The following PDE4B variants were observed in gnomAD, a reference collection of about 807,000 sequenced individuals.
The protein encoded by PDE4B is phosphodiesterase 4B.
PDE4B carries 20 observed loss-of-function variants against 82.2 expected under a neutral mutation model. The ratio of observed to expected loss-of-function variants is 0.24; its 90% CI spans 0.17 to 0.35. The LOEUF (loss-of-function observed/expected upper bound fraction) is 0.35. PDE4B is among the 10% of genes least tolerant of loss of function. The pLI is 1.00. For synonymous variants in PDE4B, 320 were observed against 318.9 expected (o/e 1.00, Z -0.04); for missense variants, 655 against 907.2 (o/e 0.72, Z 3.57).
In PDE4B at chr1:66,247,503, G is replaced by T; in HGVS notation, c.325G>T (p.Asp109Tyr). The T allele has an allele frequency of 6.2e-7, 1 of 1,603,330 alleles. No individual in the cohort carries two copies. The highest frequency in any genetic ancestry group is 1.1e-5 in the South Asian group (1 of 89,446). ...NGPSPGRSPL[D>Y]PQASSSAGLV... Reference sequence around the variant, plus strand: ...CCCTTCCCCAGGTCGGAGTCCACTGGATCCCCAGGCCAGCTCTTCCGCTGG... The same window carrying T: ...CCCTTCCCCAGGTCGGAGTCCACTGTATCCCCAGGCCAGCTCTTCCGCTGG... The change falls in exon 4 of 17, where the codon GAT (aspartate) becomes TAT (tyrosine). Residue 109 changes from aspartate to tyrosine, a missense_variant. By Grantham distance (160) the Asp-to-Tyr change is radical. Transcript: ENST00000341517.
chr1:66,155,089 A>G lies in PDE4B; in HGVS notation c.282-92371A>G, dbSNP rs571625698. 3.3e-5 allele frequency among the ~76,000 whole-genome samples: 5 copies of G among 152,308 alleles called. No individual in the cohort carries two copies. The South Asian group carries it at 8.3e-4, about 25-fold the overall frequency. ...GTCTGCAGTGAGCTCTGATCCTGCC[A>G]CTGCACTCCTGCCTGGGAAACAGGA... On this transcript the variant is annotated intron_variant, in intron 3 of 16. Transcript: ENST00000341517.
chr1:66,124,949 C>T (rs886076298), intron 3 of PDE4B, among the ~76,000 whole-genome samples: 14 of 128,254 alleles, frequency 1.1e-4, no homozygotes, highest in Non-Finnish European at 1.7e-4. Flanking sequence ...GTGTGCCCTG[C>T]GATGGAATGG....
chr1:66,201,739 C>T (rs1648978108), intron 3 of PDE4B, among the ~76,000 whole-genome samples: 1 of 151,652 alleles, frequency 6.6e-6, no homozygotes, highest in African/African-American at 2.4e-5. Flanking sequence ...TCTCTCTTTT[C>T]TTCTTTATTA....
chr1:66,370,265 C>T (rs2050698148), intron 16 of PDE4B, among the ~76,000 whole-genome samples: 1 of 151,080 alleles, frequency 6.6e-6, no homozygotes, highest in Non-Finnish European at 1.5e-5. Context: ...TCGAATAGCC[C>T]AAAGGCTTAA....
At chr1:66,295,420 T>C (rs193275022) in intron 7 of PDE4B, among the ~76,000 whole-genome samples, 1 of 152,244 alleles carries the variant, frequency 6.6e-6, no homozygotes, top group East Asian at 1.9e-4. Flanking sequence ...TTTTATTCCA[T>C]TCTATTCTTT....
chr1:66,317,805 G>C (rs542543580), intron 7 of PDE4B, among the ~76,000 whole-genome samples: 5 of 152,314 alleles, frequency 3.3e-5, no homozygotes, highest in African/African-American at 1.2e-4. Context: ...GGCTGATGTA[G>C]GAGGATCACT....
intron 8 of PDE4B, among the ~76,000 whole-genome samples, chr1:66,352,035 A>G (rs1157226303): frequency 6.6e-6 from 1 of 152,108 alleles, no homozygotes; most frequent in Non-Finnish European, 1.5e-5. Flanking sequence ...ACAGAGCCCA[A>G]CATAAATGGG....
intron 7 of PDE4B, among the ~76,000 whole-genome samples, chr1:66,285,157 G>C (rs922116784): frequency 6.6e-6 from 1 of 152,106 alleles, no homozygotes; most frequent in African/African-American, 2.4e-5. Context: ...GCATTTCCTT[G>C]TAATGTTTAA....
At chr1:66,068,575 T>A (rs928316644) in intron 3 of PDE4B, among the ~76,000 whole-genome samples, 5 of 151,908 alleles carry the variant, frequency 3.3e-5, no homozygotes, top group African/African-American at 7.2e-5. Context: ...AATCCTGGAT[T>A]GGGGCAATAA....
intron 1 of PDE4B, among the ~76,000 whole-genome samples, chr1:65,892,891 AATTCAC>A (rs1646867892): frequency 2.6e-5 from 4 of 152,152 alleles, no homozygotes; most frequent in African/African-American, 4.8e-5. Context: ...TATTAGCTCA[AATTCAC>A]TACTCAGACA....
intron 1 of PDE4B, among the ~76,000 whole-genome samples, chr1:65,887,371 CCCTTCCTT>C (rs145891335): frequency 2.3e-4 from 6 of 25,952 alleles, no homozygotes; most frequent in Admixed American, 6.2e-4. Flanking sequence ...CTCCCTCCCT[CCCTTCCTT>C]CCTTCCTTCT....
intron 3 of PDE4B, among the ~76,000 whole-genome samples, chr1:66,149,074 G>A (rs149336824): frequency 0.01 from 1,541 of 152,280 alleles, 31 homozygotes; most frequent in African/African-American, 0.035. Flanking sequence ...AAGGTGTACC[G>A]TTTTTCAATC....
intron 7 of PDE4B, among the ~76,000 whole-genome samples, chr1:66,298,652 G>C (rs1471209992): frequency 6.6e-6 from 1 of 152,108 alleles, no homozygotes; most frequent in Non-Finnish European, 1.5e-5. Context: ...CTCTCAGAAT[G>C]CTCCTGTTAA....
chr1:66,008,238 T>C (rs2489907), intron 3 of PDE4B, among the ~76,000 whole-genome samples: 109,626 of 152,002 alleles, frequency 0.72, 39,653 homozygotes, highest in Admixed American at 0.78. Context: ...TTTTGGAGGA[T>C]GAAAGGTTAT....
intron 2 of PDE4B, among the ~76,000 whole-genome samples, chr1:65,913,801 G>C (rs1259934566): frequency 6.6e-6 from 1 of 152,160 alleles, no homozygotes; most frequent in African/African-American, 2.4e-5. Flanking sequence ...CTTTGCTACT[G>C]AAGTGTAGTC....
chr1:65,795,063 T>C (rs1275540764), intron 1 of PDE4B, among the ~76,000 whole-genome samples: 1 of 152,234 alleles, frequency 6.6e-6, no homozygotes, highest in Non-Finnish European at 1.5e-5. Context: ...GGTTTTCTGA[T>C]CTTGGAGTCC....
At chr1:65,813,395 A>G (rs530510509) in intron 1 of PDE4B, among the ~76,000 whole-genome samples, 1 of 152,296 alleles carries the variant, frequency 6.6e-6, no homozygotes, top group Admixed American at 6.5e-5. Flanking sequence ...GCTGGGGGAA[A>G]TGGCATGTTG....
chr1:65,870,230 G>A (rs1051426337), intron 1 of PDE4B, among the ~76,000 whole-genome samples: 2 of 152,072 alleles, frequency 1.3e-5, no homozygotes, highest in Non-Finnish European at 2.9e-5. Context: ...ATGTGTAAAA[G>A]GTTTGCATAA....
At chr1:65,812,495 T>C (rs1645831714) in intron 1 of PDE4B, among the ~76,000 whole-genome samples, 1 of 152,206 alleles carries the variant, frequency 6.6e-6, no homozygotes, top group Non-Finnish European at 1.5e-5. Context: ...ATGTAGGTTT[T>C]AACTATAGGT....
Sources: allele counts gnomAD v4.1 joint callset (sites outside exome capture counted in the v4.1 genomes callset), GRCh38; gene constraint gnomAD v4.1.1; transcripts MANE v1.5; gene names NCBI Gene and HGNC (gene_info 2026-07-23, HGNC 2026-07-21).